The following CALN1 variants were observed in gnomAD, a reference collection of about 807,000 sequenced individuals.
CALN1 encodes calcium-binding protein 8.
CALN1 carries 17 observed loss-of-function variants against 30.6 expected under a neutral mutation model. The observed-to-expected ratio is 0.56, with a 90% CI of 0.38 to 0.83. CALN1 has a LOEUF of 0.83. CALN1 is among the 40% of genes least tolerant of loss of function. The pLI is 0.00. For missense variants in CALN1, 291 were observed against 354.9 expected, an observed-to-expected ratio of 0.82 and a Z score of 1.45; for synonymous variants, 156 against 131.4, an observed-to-expected ratio of 1.19 and a Z score of -1.28.
At chr7:71,889,242 GA>G (rs796492375) in intron 5 of CALN1, among the ~76,000 whole-genome samples, 9 of 152,344 alleles carry the variant, frequency 5.9e-5, no homozygotes, top group African/African-American at 2.2e-4. Context: ...GGTGTCTGAT[GA>G]CCTGGTTCCT....
rs1803017634 is a variant in CALN1, at chr7:72,352,995, G to A, written c.119+50256C>T. Among the ~76,000 whole-genome samples, 3 of 152,072 alleles carry A rather than the reference G, an allele frequency of 2.0e-5. No homozygotes were observed. The South Asian group carries it at 6.2e-4, about 32-fold the overall frequency. On this transcript the variant is annotated intron_variant, in intron 2 of 6. Coordinates refer to ENST00000395275, the MANE Select transcript of CALN1 (RefSeq NM_031468.4). ...CAAAAAATGGACAATTTAAACAAAA[G>A]AGAAAAATTCTTTTAAGAAACACAA...
intron 2 of CALN1, among the ~76,000 whole-genome samples, chr7:72,339,429 C>G (rs1434345683): frequency 6.6e-6 from 1 of 152,150 alleles, no homozygotes; most frequent in Non-Finnish European, 1.5e-5. Context: ...CCCTCCCCTA[C>G]CCCAGCATGA....
At chr7:72,289,540 G>A (rs923120677) in intron 2 of CALN1, among the ~76,000 whole-genome samples, 4 of 152,150 alleles carry the variant, frequency 2.6e-5, no homozygotes, top group African/African-American at 9.7e-5. Flanking sequence ...TTTTCATGGT[G>A]AAAATATTCC....
intron 5 of CALN1, among the ~76,000 whole-genome samples, chr7:71,975,731 C>CTTTTTTATTTAGTTT (rs768647985): frequency 3.3e-5 from 5 of 151,622 alleles, no homozygotes; most frequent in Non-Finnish European, 7.4e-5. Flanking sequence ...CACCCGGCCT[C>CTTTTTTATTTAGTTT]TTTTTTATTT....
At chr7:72,343,795 A>G (rs1802490171) in intron 2 of CALN1, among the ~76,000 whole-genome samples, 1 of 152,210 alleles carries the variant, frequency 6.6e-6, no homozygotes, top group Non-Finnish European at 1.5e-5. Flanking sequence ...CTGCTGGGTT[A>G]GAAAGGACTA....
chr7:72,085,760 C>T (rs529026854), intron 4 of CALN1, among the ~76,000 whole-genome samples: 55 of 152,212 alleles, frequency 3.6e-4, no homozygotes, highest in South Asian at 1.5e-3. Flanking sequence ...TTACATTTTA[C>T]GGTATTTGAA....
chr7:72,487,952 AGG>A, the CALN1 span, among the ~76,000 whole-genome samples: 1 of 74,152 alleles, frequency 1.3e-5, no homozygotes, highest in Non-Finnish European at 2.7e-5. Flanking sequence ...GAAGGAAGGA[AGG>A]AAAGGAAGGA....
intron 2 of CALN1, among the ~76,000 whole-genome samples, chr7:72,350,822 C>T (rs1187684034): frequency 6.6e-6 from 1 of 152,096 alleles, no homozygotes; most frequent in African/African-American, 2.4e-5. Context: ...TGAGAATTTC[C>T]TAATCAGCAA....
At chr7:72,013,247 A>ATTTTTTTTTTTTTTTTTTTTTTTTTTT (rs1025112311) in intron 5 of CALN1, among the ~76,000 whole-genome samples, 1 of 92,982 alleles carries the variant, frequency 1.1e-5, no homozygotes, top group Non-Finnish European at 2.0e-5. Flanking sequence ...CTAATTTGAG[A>ATTTTTTTTTTTTTTTTTTTTTTTTTTT]TTTTTTTTTT....
chr7:71,987,732 C>A (rs989456158), intron 5 of CALN1, among the ~76,000 whole-genome samples: 2 of 152,228 alleles, frequency 1.3e-5, no homozygotes, highest in Non-Finnish European at 2.9e-5. Flanking sequence ...AAGGATCATG[C>A]AGTTCAGTCT....
intron 2 of CALN1, among the ~76,000 whole-genome samples, chr7:72,329,029 G>A (rs1012898336): frequency 4.6e-5 from 7 of 152,194 alleles, no homozygotes; most frequent in South Asian, 2.1e-4. Flanking sequence ...ACATTTTTCC[G>A]ATTGTAAATG....
At chr7:71,865,366 T>A (rs1173443348) in intron 5 of CALN1, among the ~76,000 whole-genome samples, 1 of 152,174 alleles carries the variant, frequency 6.6e-6, no homozygotes, top group East Asian at 1.9e-4. Flanking sequence ...CTCCAGGAGG[T>A]GGAGGCATGG....
At chr7:71,874,496 C>G (rs2116762044) in intron 5 of CALN1, among the ~76,000 whole-genome samples, 2 of 152,240 alleles carry the variant, frequency 1.3e-5, no homozygotes, top group East Asian at 3.9e-4. Flanking sequence ...ATTCTTCATT[C>G]TCTAGTTTGG....
At chr7:72,315,476 G>T (rs987781206) in intron 2 of CALN1, among the ~76,000 whole-genome samples, 2 of 152,104 alleles carry the variant, frequency 1.3e-5, no homozygotes, top group African/African-American at 4.8e-5. Context: ...AGAGGCCGAG[G>T]CGGGAAGATC....
intron 3 of CALN1, among the ~76,000 whole-genome samples, chr7:72,237,538 G>A (rs766945873): frequency 6.6e-6 from 1 of 152,168 alleles, no homozygotes; most frequent in South Asian, 2.1e-4. Flanking sequence ...AAGCCACAGC[G>A]AGGGCCAGGA....
chr7:71,978,729 G>A (rs1798236138), intron 5 of CALN1, among the ~76,000 whole-genome samples: 1 of 152,148 alleles, frequency 6.6e-6, no homozygotes, highest in South Asian at 2.1e-4. Context: ...TGAATTGACT[G>A]CAGTTTATCC....
At chr7:72,014,367 G>A (rs1365854986) in intron 5 of CALN1, among the ~76,000 whole-genome samples, 1 of 152,092 alleles carries the variant, frequency 6.6e-6, no homozygotes, top group Non-Finnish European at 1.5e-5. Context: ...GATTACAGGC[G>A]TGAGCCACTG....
intron 2 of CALN1, among the ~76,000 whole-genome samples, chr7:72,298,462 T>C (rs1042053318): frequency 6.6e-6 from 1 of 152,158 alleles, no homozygotes; most frequent in African/African-American, 2.4e-5. Flanking sequence ...CTCTAACTCA[T>C]AGAGTAACTA....
At chr7:72,135,543 T>C (rs1809449854) in intron 3 of CALN1, among the ~76,000 whole-genome samples, 1 of 152,226 alleles carries the variant, frequency 6.6e-6, no homozygotes, top group African/African-American at 2.4e-5. Flanking sequence ...GAGTCTTTTC[T>C]TCTGAGCAGT....
Sources: allele counts gnomAD v4.1 joint callset (sites outside exome capture counted in the v4.1 genomes callset), GRCh38; gene constraint gnomAD v4.1.1; transcripts MANE v1.5; gene names NCBI Gene and HGNC (gene_info 2026-07-23, HGNC 2026-07-21).